The following NRG3 variants were observed in gnomAD, a reference collection of about 807,000 sequenced individuals.
NRG3 encodes the protein neuregulin 3.
A neutral mutation model predicts 66.9 loss-of-function variants in NRG3; 31 were observed. The observed-to-expected ratio is 0.46, with a 90% CI of 0.35 to 0.63. The LOEUF is 0.63. Ranked by LOEUF, NRG3 falls within the 20% of genes least tolerant of loss-of-function variation. The pLI, the probability that NRG3 is intolerant of heterozygous loss-of-function variation, is 0.00. For synonymous variants in NRG3, 393 were observed against 359.4 expected, an observed-to-expected ratio of 1.09 and a Z score of -1.06; for missense variants, 910 against 878.9, an observed-to-expected ratio of 1.04 and a Z score of -0.45.
In NRG3 at chr10:82,603,906, G is replaced by A. The variant is rs548408186; in HGVS notation, c.954-134671G>A. Reference sequence around the variant, plus strand: ...TTTAAAAAATAATAGCCTTTTTAAAGCAATTTTAGGTGTATGGAAAAACTG... The same window carrying A: ...TTTAAAAAATAATAGCCTTTTTAAAACAATTTTAGGTGTATGGAAAAACTG... On this transcript the variant is annotated intron_variant, in intron 2 of 8. Transcript: ENST00000372141. Among the ~76,000 whole-genome samples, 3 of 152,194 alleles carry A rather than the reference G, an allele frequency of 2.0e-5. No individual in the cohort carries two copies. In the South Asian group the frequency reaches 6.2e-4, roughly 32 times the overall value.
At chr10:82,058,383 G>T (rs1267765875) in intron 1 of NRG3, among the ~76,000 whole-genome samples, 3 of 151,696 alleles carry the variant, frequency 2.0e-5, no homozygotes, top group East Asian at 1.9e-4. Flanking sequence ...TTAGAAAATT[G>T]TCTCCGTCGA....
intron 2 of NRG3, among the ~76,000 whole-genome samples, chr10:82,460,625 C>A (rs2091468521): frequency 6.6e-6 from 1 of 152,192 alleles, no homozygotes; most frequent in African/African-American, 2.4e-5. Flanking sequence ...TTTCTGGCTT[C>A]TCTTCTTAGC....
chr10:82,870,705 T>G (rs1841262399), intron 4 of NRG3, among the ~76,000 whole-genome samples: 1 of 152,236 alleles, frequency 6.6e-6, no homozygotes, highest in Non-Finnish European at 1.5e-5. Flanking sequence ...TTTTTTCATA[T>G]GCTTATTTGC....
At chr10:82,188,620 A>G (rs1193361776) in intron 1 of NRG3, among the ~76,000 whole-genome samples, 1 of 152,272 alleles carries the variant, frequency 6.6e-6, no homozygotes, top group East Asian at 1.9e-4. Flanking sequence ...ATATCTAATA[A>G]TCTGGTCAAA....
At chr10:82,321,628 C>T (rs1170503021) in intron 1 of NRG3, among the ~76,000 whole-genome samples, 1 of 152,130 alleles carries the variant, frequency 6.6e-6, no homozygotes, top group Non-Finnish European at 1.5e-5. Flanking sequence ...GCCCACCTAC[C>T]ATTTCCTCGG....
chr10:82,983,780 G>A (rs975468163), intron 8 of NRG3, among the ~76,000 whole-genome samples: 2 of 152,184 alleles, frequency 1.3e-5, no homozygotes, highest in Admixed American at 1.3e-4. Flanking sequence ...TAAAGGGAGA[G>A]TTTACCTTGA....
At chr10:82,822,154 G>T (rs908377330) in intron 3 of NRG3, among the ~76,000 whole-genome samples, 2 of 152,140 alleles carry the variant, frequency 1.3e-5, no homozygotes, top group African/African-American at 4.8e-5. Flanking sequence ...GTGCAAACTG[G>T]ACTTATAATG....
At chr10:81,892,206 G>A (rs1203059572) in intron 1 of NRG3, among the ~76,000 whole-genome samples, 1 of 151,974 alleles carries the variant, frequency 6.6e-6, no homozygotes, top group East Asian at 1.9e-4. Context: ...CTATTGCCAA[G>A]TGTGTGTGTC....
chr10:82,316,781 A>G (rs1250113901), intron 1 of NRG3, among the ~76,000 whole-genome samples: 1 of 152,190 alleles, frequency 6.6e-6, no homozygotes, highest in African/African-American at 2.4e-5. Context: ...TGGTGCTTTC[A>G]TCTTTCCTAG....
At chr10:82,293,236 C>A (rs1387076583) in intron 1 of NRG3, among the ~76,000 whole-genome samples, 1 of 152,052 alleles carries the variant, frequency 6.6e-6, no homozygotes, top group Non-Finnish European at 1.5e-5. Context: ...AAGATCTGTA[C>A]TTAGACGGCA....
intron 2 of NRG3, among the ~76,000 whole-genome samples, chr10:82,446,398 A>G (rs2090722883): frequency 6.6e-6 from 1 of 152,222 alleles, no homozygotes; most frequent in African/African-American, 2.4e-5. Context: ...ATGCTCATCA[A>G]TGATAGACTG....
chr10:82,104,325 T>C (rs769283519), intron 1 of NRG3, among the ~76,000 whole-genome samples: 3 of 152,146 alleles, frequency 2.0e-5, no homozygotes, highest in Non-Finnish European at 4.4e-5. Flanking sequence ...AATAGGAGAA[T>C]ACTGGGCCAG....
intron 8 of NRG3, among the ~76,000 whole-genome samples, chr10:82,981,389 T>A (rs1037077939): frequency 1.3e-5 from 2 of 152,192 alleles, no homozygotes; most frequent in African/African-American, 4.8e-5. Flanking sequence ...GCACAATGAA[T>A]CTCAGGGAGC....
chr10:82,439,010 C>T (rs2090298276), intron 2 of NRG3, among the ~76,000 whole-genome samples: 1 of 151,506 alleles, frequency 6.6e-6, no homozygotes, highest in Non-Finnish European at 1.5e-5. Context: ...TTATTACTTT[C>T]TGTACATTAA....
At chr10:82,666,163 C>A (rs979038104) in intron 2 of NRG3, among the ~76,000 whole-genome samples, 1 of 152,182 alleles carries the variant, frequency 6.6e-6, no homozygotes, top group Admixed American at 6.5e-5. Context: ...CAAGCTGAGC[C>A]TTTTCTTCTC....
At chr10:82,799,631 T>C (rs555710923) in intron 3 of NRG3, 1 of 151,864 alleles carries the variant, frequency 6.6e-6, no homozygotes, top group East Asian at 1.9e-4. Flanking sequence ...GCAGAAGCCA[T>C]GTAGCATTTG....
intron 2 of NRG3, among the ~76,000 whole-genome samples, chr10:82,408,346 A>G (rs1357777993): frequency 1.3e-5 from 2 of 152,024 alleles, no homozygotes; most frequent in Non-Finnish European, 2.9e-5. Context: ...AAAGGCTCTG[A>G]GATGTGATCA....
intron 2 of NRG3, among the ~76,000 whole-genome samples, chr10:82,374,494 A>T (rs2135770302): frequency 6.6e-6 from 1 of 152,354 alleles, no homozygotes; most frequent in East Asian, 1.9e-4. Context: ...TTTAGGTATC[A>T]GCTGGGACCC....
At chr10:82,936,999 A>G (rs1848136226) in intron 4 of NRG3, among the ~76,000 whole-genome samples, 1 of 152,308 alleles carries the variant, frequency 6.6e-6, no homozygotes, top group East Asian at 1.9e-4. Context: ...AAGAGATTAT[A>G]TATTTATTAT....
Sources: allele counts gnomAD v4.1 joint callset (sites outside exome capture counted in the v4.1 genomes callset), GRCh38; gene constraint gnomAD v4.1.1; transcripts MANE v1.5; gene names NCBI Gene and HGNC (gene_info 2026-07-23, HGNC 2026-07-21).